Variants in PXDNL observed in about 807,000 individuals in gnomAD.
PXDNL encodes the protein probable oxidoreductase PXDNL.
In PXDNL, 145 loss-of-function variants were observed where a neutral mutation model predicts 150.8. The observed-to-expected ratio is 0.96, with a 90% CI of 0.84 to 1.10. The LOEUF (loss-of-function observed/expected upper bound fraction) is 1.10. PXDNL is among the 50% of genes least tolerant of loss of function. PXDNL has a pLI of 0.00. For synonymous variants in PXDNL, 757 were observed against 725.7 expected (o/e 1.04, Z -0.69); for missense variants, 2,087 against 1,873.9 (o/e 1.11, Z -2.10).
intron 21 of PXDNL, among the ~76,000 whole-genome samples, chr8:51,327,230 T>C (rs1272521903): frequency 6.6e-6 from 1 of 152,180 alleles, no homozygotes; most frequent in Non-Finnish European, 1.5e-5. Flanking sequence ...ATTTGGGTTG[T>C]TACTAGAGCA....
chr8:51,776,043 G>A lies in PXDNL; in HGVS notation c.164+33138C>T, dbSNP rs776756914. Among the ~76,000 whole-genome samples, 26 of 152,272 alleles carry A rather than the reference G, an allele frequency of 1.7e-4. No individual in the cohort carries two copies. In the Middle Eastern group the frequency reaches 0.01, roughly 60 times the overall value. ...TGTCTTTTACAGTTGTGTAAGGAAC[G>A]AAATAAGCCCCGGTCTCCTGTAGCG... is the stretch of plus-strand genomic sequence containing the variant. On this transcript the variant is annotated intron_variant, in intron 1 of 22. Transcript: ENST00000356297.
chr8:51,531,720 G>A (rs1811911847), intron 4 of PXDNL, among the ~76,000 whole-genome samples: 1 of 152,202 alleles, frequency 6.6e-6, no homozygotes, highest in African/African-American at 2.4e-5. Context: ...GAAGAAGATA[G>A]GGATGAGATG....
Position 51,401,531 on chromosome 8 carries a change from G to A in PXDNL, c.3557+6536C>T, listed in dbSNP as rs1186953746. 3.3e-5 allele frequency among the ~76,000 whole-genome samples: 5 copies of A among 152,188 alleles called. No homozygotes were observed. In the East Asian group the frequency reaches 9.6e-4, roughly 29 times the overall value. ...AAGTCACTGCCTCCAAATGGGATAGGAGAAAAGGACTGGTCCTTGACTAAG... is the reference window on the plus strand; with the variant it reads ...AAGTCACTGCCTCCAAATGGGATAGAAGAAAAGGACTGGTCCTTGACTAAG... On this transcript the variant is annotated intron_variant, in intron 17 of 22. Coordinates refer to ENST00000356297, the MANE Select transcript of PXDNL (RefSeq NM_144651.5).
intron 1 of PXDNL, among the ~76,000 whole-genome samples, chr8:51,786,987 A>G (rs1410170097): frequency 2.0e-5 from 3 of 152,046 alleles, no homozygotes; most frequent in Non-Finnish European, 4.4e-5. Context: ...AATGATGCTA[A>G]ATCTACTTAG....
At chr8:51,421,467 A>ATTG (rs1355233283) in intron 14 of PXDNL, among the ~76,000 whole-genome samples, 29 of 152,310 alleles carry the variant, frequency 1.9e-4, no homozygotes, top group African/African-American at 7.0e-4. Flanking sequence ...TGGGAGGCTA[A>ATTG]GGTGGGCAGA....
chr8:51,575,724 G>C (rs1214038209), intron 3 of PXDNL, among the ~76,000 whole-genome samples: 1 of 151,718 alleles, frequency 6.6e-6, no homozygotes, highest in Non-Finnish European at 1.5e-5. Context: ...AAAAGAAAAA[G>C]ACAAAGATTG....
At chr8:51,343,684 A>G (rs1365401463) in intron 20 of PXDNL, among the ~76,000 whole-genome samples, 1 of 152,182 alleles carries the variant, frequency 6.6e-6, no homozygotes, top group African/African-American at 2.4e-5. Flanking sequence ...GTTGTTATCC[A>G]TGCCTGTGCT....
intron 2 of PXDNL, among the ~76,000 whole-genome samples, chr8:51,615,246 TA>T (rs888543508): frequency 1.3e-5 from 2 of 151,822 alleles, no homozygotes; most frequent in Non-Finnish European, 2.9e-5. Flanking sequence ...TTTACTCATT[TA>T]AAAAAAATCC....
intron 19 of PXDNL, among the ~76,000 whole-genome samples, chr8:51,354,933 T>C (rs1280524288): frequency 9.2e-6 from 1 of 108,298 alleles, no homozygotes; most frequent in South Asian, 3.7e-4. Context: ...TTCTGTTTTG[T>C]ATCATTTCAG....
intron 4 of PXDNL, among the ~76,000 whole-genome samples, chr8:51,519,580 G>A (rs971934802): frequency 2.0e-5 from 3 of 152,028 alleles, no homozygotes; most frequent in Non-Finnish European, 4.4e-5. Flanking sequence ...AGAAAACAAG[G>A]AAGAGGAGAA....
Position 51,675,792 on chromosome 8 carries a change from C to CAA in PXDNL, c.165-21034_165-21033dup, listed in dbSNP as rs71550280. Among the ~76,000 whole-genome samples, 20 of 93,246 alleles carry CAA rather than the reference C, an allele frequency of 2.1e-4. 1 individual carries two copies. The highest frequency in any genetic ancestry group is 1.7e-3 in the South Asian group (4 of 2,324). The allele number at this position is 93,246 out of a possible 152,430, so 61.2% of individuals were successfully genotyped here. ...TGGGCGACACAGCAAGGCTCCGTCT[C>CAA]AAAAAAAAAAAAAAAAAAATTGCCC... On this transcript the variant is annotated intron_variant, in intron 1 of 22. Coordinates refer to ENST00000356297, the MANE Select transcript of PXDNL (RefSeq NM_144651.5).
At position 51,735,544 on chromosome 8, in the gene PXDNL, T is replaced by TG. The variant is rs1563304315; in HGVS notation, c.164+73636_164+73637insC. 2.8e-3 allele frequency among the ~76,000 whole-genome samples: 135 copies of TG among 47,772 alleles called. 11 individuals are homozygous for TG. The highest frequency in any genetic ancestry group is 0.019 in the South Asian group (25 of 1,330). 31.3% of individuals were successfully genotyped at this position (47,772 alleles called of 152,430 possible). ...AAAAATTGTTTTTTTTTTTTTTTTTTTTTTTTTTTTTTTTTTTTTTGAGAC... is the reference window on the plus strand; with the variant it reads ...AAAAATTGTTTTTTTTTTTTTTTTTTGTTTTTTTTTTTTTTTTTTTTGAGAC... On this transcript the variant is annotated intron_variant, in intron 1 of 22. Transcript: ENST00000356297.
At chr8:51,355,712 G>A (rs772893527) in intron 19 of PXDNL, among the ~76,000 whole-genome samples, 1 of 152,188 alleles carries the variant, frequency 6.6e-6, no homozygotes, top group Non-Finnish European at 1.5e-5. Flanking sequence ...TGTGTCAATT[G>A]TAGAGTTTGC....
chr8:51,729,544 T>C (rs1416895690), intron 1 of PXDNL, among the ~76,000 whole-genome samples: 1 of 152,218 alleles, frequency 6.6e-6, no homozygotes, highest in East Asian at 1.9e-4. Flanking sequence ...TATTGGTTGC[T>C]GGTGGGAATG....
At chr8:51,641,710 G>A (rs1385955460) in intron 2 of PXDNL, among the ~76,000 whole-genome samples, 5 of 151,604 alleles carry the variant, frequency 3.3e-5, no homozygotes, top group Admixed American at 3.3e-4. Flanking sequence ...GAAACAACAG[G>A]TGCTGGAGAG....
At chr8:51,402,725 T>C (rs1208932481) in intron 17 of PXDNL, among the ~76,000 whole-genome samples, 12 of 152,188 alleles carry the variant, frequency 7.9e-5, no homozygotes, top group Non-Finnish European at 1.5e-4. Context: ...AGTGAATAAC[T>C]GATCTTCACC....
At chr8:51,683,828 T>C (rs1815812497) in intron 1 of PXDNL, among the ~76,000 whole-genome samples, 1 of 152,130 alleles carries the variant, frequency 6.6e-6, no homozygotes, top group Non-Finnish European at 1.5e-5. Context: ...ACAGCTCCAG[T>C]GTAGCAAGGA....
At chr8:51,667,332 C>A (rs1371530915) in intron 1 of PXDNL, among the ~76,000 whole-genome samples, 2 of 152,182 alleles carry the variant, frequency 1.3e-5, no homozygotes, top group Non-Finnish European at 2.9e-5. Flanking sequence ...ATGTTTTACA[C>A]TCCTTGCAGT....
At chr8:51,488,038 T>A (rs543751784) in intron 5 of PXDNL, among the ~76,000 whole-genome samples, 8 of 152,328 alleles carry the variant, frequency 5.3e-5, no homozygotes, top group African/African-American at 1.7e-4. Flanking sequence ...AAAATATTAT[T>A]TCAGCAAACA....
Sources: gnomAD v4.1 joint callset for allele counts (sites outside exome capture counted in the v4.1 genomes callset) on GRCh38, gnomAD v4.1.1 for gene constraint, MANE v1.5 for transcripts, NCBI Gene and HGNC (gene_info 2026-07-23, HGNC 2026-07-21) for gene names.